Variants in ZNF600 observed in about 807,000 individuals in gnomAD.
The protein encoded by ZNF600 is zinc finger protein KR-ZNF1.
A neutral mutation model predicts 7.3 loss-of-function variants in ZNF600; 4 were observed. The observed-to-expected ratio is 0.55, with a 90% confidence interval of 0.27 to 1.25. ZNF600 has a LOEUF of 1.25. ZNF600 is among the 50% of genes most tolerant of loss of function. ZNF600 has a pLI of 0.12. For missense variants in ZNF600, 911 were observed against 922.1 expected, an observed-to-expected ratio of 0.99 and a Z score of 0.16; for synonymous variants, 290 against 308.9, an observed-to-expected ratio of 0.94 and a Z score of 0.64.
At chr19:52,801,785 C>A in the ZNF600 span, 1 of 1,303,870 alleles carries the variant, frequency 7.7e-7, no homozygotes, top group South Asian at 1.5e-5. Flanking sequence ...ACACAAAAAA[C>A]AATACTTATT....
chr19:52,765,774 G>T (rs2062565581), exon 4 of ZNF600: 1 of 1,613,756 alleles, frequency 6.2e-7, no homozygotes, highest in Non-Finnish European at 8.5e-7. Context: ...TTTCTTTCCA[G>T]GATGAATTCT....
At chr19:52,828,843 C>T in the ZNF600 span, among the ~76,000 whole-genome samples, 1 of 152,002 alleles carries the variant, frequency 6.6e-6, no homozygotes, top group Non-Finnish European at 1.5e-5. Context: ...AGACCAGTGC[C>T]TTTATTTTTA....
chr19:52,809,960 C>T, the ZNF600 span: 64,321 of 804,592 alleles, frequency 0.08, 4,039 homozygotes, highest in Admixed American at 0.25. Flanking sequence ...GCGCAGGGGA[C>T]GATGGGAACG....
At chr19:52,789,108 G>T (rs1377479836), upstream of ZNF600, among the ~76,000 whole-genome samples, 2 of 152,226 alleles carry the variant, frequency 1.3e-5, no homozygotes, top group African/African-American at 4.8e-5. Flanking sequence ...GACTGTGGGA[G>T]AACACAAAAG....
chr19:52,772,388 A>T (rs556133451), intron 3 of ZNF600, among the ~76,000 whole-genome samples: 18 of 152,254 alleles, frequency 1.2e-4, no homozygotes, highest in African/African-American at 4.1e-4. Context: ...ACATCACTTG[A>T]GGTCAGGAGT....
intron 3 of ZNF600, among the ~76,000 whole-genome samples, chr19:52,771,360 C>G (rs1479936875): frequency 1.4e-5 from 2 of 139,346 alleles, no homozygotes; most frequent in African/African-American, 6.6e-5. Context: ...TTTTTTTTGT[C>G]TGTCATGCTT....
the ZNF600 span, among the ~76,000 whole-genome samples, chr19:52,818,469 C>G: frequency 6.6e-6 from 1 of 151,986 alleles, no homozygotes; most frequent in South Asian, 2.1e-4. Context: ...TACCAACACT[C>G]TGAAAGGCCG....
At chr19:52,779,539 T>C (rs918571175) in intron 1 of ZNF600, among the ~76,000 whole-genome samples, 2 of 151,952 alleles carry the variant, frequency 1.3e-5, no homozygotes, top group African/African-American at 4.8e-5. Flanking sequence ...ACAAAAATAA[T>C]CACACAGAAC....
chr19:52,774,684 C>T, exon 3 of ZNF600: 2 of 985,278 alleles, frequency 2.0e-6, no homozygotes, highest in Non-Finnish European at 2.4e-6. Context: ...TAGCCACATC[C>T]CTGAAAGTCA....
chr19:52,793,814 ACAC>A, the ZNF600 span, among the ~76,000 whole-genome samples: 8 of 122,004 alleles, frequency 6.6e-5, 1 homozygote, highest in Non-Finnish European at 1.2e-4. Context: ...ACACACACAC[ACAC>A]AAAAGTGATG....
the ZNF600 span, chr19:52,797,318 T>C: frequency 6.6e-6 from 1 of 152,266 alleles, no homozygotes; most frequent in Non-Finnish European, 1.5e-5. Context: ...TCTCACATGA[T>C]GCAAGAATGC....
At chr19:52,801,028 A>G in the ZNF600 span, 1 of 1,614,154 alleles carries the variant, frequency 6.2e-7, no homozygotes, top group Non-Finnish European at 8.5e-7. Context: ...CACTCATTAC[A>G]CTTGTAAGGT....
chr19:52,811,538 C>T, the ZNF600 span, among the ~76,000 whole-genome samples: 4 of 148,000 alleles, frequency 2.7e-5, no homozygotes, highest in Non-Finnish European at 6.0e-5. Flanking sequence ...GCACCTCTGC[C>T]CCACCGCCCT....
chr19:52,795,447 A>AAT, the ZNF600 span, among the ~76,000 whole-genome samples: 7 of 90,364 alleles, frequency 7.7e-5, no homozygotes, highest in Admixed American at 2.0e-4. Context: ...TGGTTAAAAA[A>AAT]ATATATATAT....
the ZNF600 span, chr19:52,809,969 C>A: frequency 1.3e-6 from 1 of 790,158 alleles, no homozygotes; most frequent in South Asian, 1.4e-5. Context: ...ACGATGGGAA[C>A]GGCCTGGAGT....
chr19:52,807,829 A>T, the ZNF600 span: 3 of 1,076,156 alleles, frequency 2.8e-6, no homozygotes, highest in African/African-American at 1.6e-5. Context: ...AGCTATCATG[A>T]AGAATGCAGA....
At chr19:52,815,936 G>A in the ZNF600 span, among the ~76,000 whole-genome samples, 1 of 147,070 alleles carries the variant, frequency 6.8e-6, no homozygotes, top group Non-Finnish European at 1.5e-5. Context: ...TTCACATGTA[G>A]CCCCAAACGT....
the ZNF600 span, among the ~76,000 whole-genome samples, chr19:52,804,861 T>G: frequency 1.3e-5 from 2 of 152,180 alleles, no homozygotes; most frequent in South Asian, 4.1e-4. Flanking sequence ...AAAGAGCATC[T>G]CATCATCAAC....
chr19:52,774,569 C>T lies in ZNF600; in HGVS notation c.190+6G>A, dbSNP rs2062657537. On this transcript the variant is annotated splice_donor_region_variant and intron_variant, in intron 3 of 3. Transcript: ENST00000648973. ...CCTCATGTCTGGGGGACATCATTTTCCTCACCCACAGCTTCCAGGTTCCTG... is the reference window on the plus strand; with the variant it reads ...CCTCATGTCTGGGGGACATCATTTTTCTCACCCACAGCTTCCAGGTTCCTG... The T allele has an allele frequency of 1.0e-6, 1 of 984,742 alleles. No homozygotes were observed. The highest frequency in any genetic ancestry group is 1.2e-6 in the Non-Finnish European group (1 of 829,868). The allele number at this position is 984,742 out of a possible 1,614,324, so 61.0% of individuals were successfully genotyped here. A position where few individuals can be genotyped will look rare whatever the true frequency, so the allele number is the denominator to read the frequency against.
Sources: allele counts gnomAD v4.1 joint callset (sites outside exome capture counted in the v4.1 genomes callset), GRCh38; gene constraint gnomAD v4.1.1; transcripts MANE v1.5; gene names NCBI Gene and HGNC (gene_info 2026-07-23, HGNC 2026-07-21).